The following DLGAP1 variants were observed in gnomAD, a reference collection of about 807,000 sequenced individuals.
The protein encoded by DLGAP1 is disks large-associated protein 1.
DLGAP1 carries 11 observed loss-of-function variants against 90.8 expected under a neutral mutation model. That is an observed-to-expected ratio of 0.12 (90% confidence interval 0.08 to 0.20). The LOEUF is 0.20. DLGAP1 is among the 10% of genes least tolerant of loss of function. The pLI, the probability that DLGAP1 is intolerant of heterozygous loss-of-function variation, is 1.00. For synonymous variants in DLGAP1, 558 were observed against 540.7 expected, an observed-to-expected ratio of 1.03 and a Z score of -0.44; for missense variants, 1,050 against 1,333.8, an observed-to-expected ratio of 0.79 and a Z score of 3.31.
chr18:3,971,444 T>C (rs759788728), intron 3 of DLGAP1, among the ~76,000 whole-genome samples: 1 of 151,574 alleles, frequency 6.6e-6, no homozygotes, highest in South Asian at 2.1e-4. Context: ...TGCTAACATA[T>C]ATATGACATA....
rs1036908548 is a variant in DLGAP1, at chr18:3,997,250, G to T, written c.-73+7866C>A. ...TAATTTACAAAAACTGAAATGAAAA[G>T]GAACTACTAAATCATTAGCAGGAGT... On this transcript the variant is annotated intron_variant, in intron 3 of 12. Coordinates refer to ENST00000315677, the MANE Select transcript of DLGAP1 (RefSeq NM_004746.4). Among the ~76,000 whole-genome samples the T allele has an allele frequency of 1.0e-4, 11 of 106,654 alleles. 3 individuals carry two copies. The highest frequency in any genetic ancestry group is 1.3e-4 in the Non-Finnish European group (7 of 52,648). 70.0% of individuals were successfully genotyped at this position (106,654 alleles called of 152,430 possible).
At chr18:3,763,506 A>G (rs1040137008) in intron 5 of DLGAP1, among the ~76,000 whole-genome samples, 7 of 152,152 alleles carry the variant, frequency 4.6e-5, no homozygotes, top group Non-Finnish European at 8.8e-5. Flanking sequence ...GTCTCTCTAG[A>G]GAACCCTGAC....
chr18:3,528,797 C>T (rs1038453858), intron 10 of DLGAP1, among the ~76,000 whole-genome samples: 4 of 152,188 alleles, frequency 2.6e-5, no homozygotes, highest in African/African-American at 7.2e-5. Context: ...GGGTTTGCCA[C>T]GGCACTGACT....
intron 7 of DLGAP1, among the ~76,000 whole-genome samples, chr18:3,632,800 G>A (rs1433025778): frequency 6.6e-6 from 1 of 151,990 alleles, no homozygotes; most frequent in African/African-American, 2.4e-5. Flanking sequence ...TATCATTCAT[G>A]GCTTGAAGTT....
At chr18:4,417,338 T>A (rs1490024474) in intron 1 of DLGAP1, among the ~76,000 whole-genome samples, 1 of 152,206 alleles carries the variant, frequency 6.6e-6, no homozygotes, top group African/African-American at 2.4e-5. Flanking sequence ...TGTTAATATA[T>A]AATGGGTTTA....
chr18:4,127,450 A>G, intron 2 of DLGAP1, among the ~76,000 whole-genome samples: 1 of 152,206 alleles, frequency 6.6e-6, no homozygotes, highest in East Asian at 1.9e-4. Context: ...AGAGAAGAGA[A>G]AAGAAAAGGA....
intron 4 of DLGAP1, chr18:3,845,523 A>AT: frequency 2.0e-6 from 2 of 985,252 alleles, no homozygotes; most frequent in Non-Finnish European, 2.4e-6. Flanking sequence ...CTTAGTGCAG[A>AT]TTTTTCAGCC....
chr18:4,417,882 G>A (rs1045766443), intron 1 of DLGAP1, among the ~76,000 whole-genome samples: 19 of 152,118 alleles, frequency 1.2e-4, no homozygotes, highest in Admixed American at 7.2e-4. Flanking sequence ...AGAACACTCC[G>A]CTGCTGCCAC....
At chr18:3,975,151 A>C (rs2073543240) in intron 3 of DLGAP1, among the ~76,000 whole-genome samples, 1 of 152,160 alleles carries the variant, frequency 6.6e-6, no homozygotes, top group Admixed American at 6.5e-5. Context: ...CTGTACACTC[A>C]AAGAAAGTAA....
At chr18:3,822,938 G>C (rs1276612864) in intron 4 of DLGAP1, among the ~76,000 whole-genome samples, 2 of 152,176 alleles carry the variant, frequency 1.3e-5, no homozygotes, top group Admixed American at 1.3e-4. Context: ...TTGAATCCAG[G>C]AGTTCAAGAC....
At chr18:3,913,209 G>A (rs2072072987) in intron 3 of DLGAP1, among the ~76,000 whole-genome samples, 1 of 152,238 alleles carries the variant, frequency 6.6e-6, no homozygotes, top group African/African-American at 2.4e-5. Context: ...TCCTGCCTCA[G>A]CCTCCTGAGT....
intron 7 of DLGAP1, among the ~76,000 whole-genome samples, chr18:3,635,187 G>A (rs949999759): frequency 1.3e-5 from 2 of 150,002 alleles, no homozygotes; most frequent in African/African-American, 2.5e-5. Context: ...CTGGAGTGCA[G>A]TGGCGGGATC....
At position 4,352,859 on chromosome 18, in the gene DLGAP1, T is replaced by C. The variant is rs150112371; in HGVS notation, c.-267+102147A>G. On this transcript the variant is annotated intron_variant, in intron 1 of 12. Transcript: ENST00000315677. ...TGTATGTGAATCCCCGTTACTTTTG[T>C]AAATGTGGGAGGAGGAACTGCTTGT... Among the ~76,000 whole-genome samples, 5 of 152,284 alleles carry C rather than the reference T, an allele frequency of 3.3e-5. No individual in the cohort carries two copies. The East Asian group carries it at 7.7e-4, about 24-fold the overall frequency.
intron 1 of DLGAP1, among the ~76,000 whole-genome samples, chr18:4,337,734 A>C (rs1454026445): frequency 6.6e-6 from 1 of 152,212 alleles, no homozygotes; most frequent in Admixed American, 6.5e-5. Context: ...TTTTCTCATA[A>C]ACATCACTGA....
At chr18:4,398,066 A>G (rs2082475982) in intron 1 of DLGAP1, among the ~76,000 whole-genome samples, 1 of 152,200 alleles carries the variant, frequency 6.6e-6, no homozygotes, top group African/African-American at 2.4e-5. Context: ...TGTTTCTGCC[A>G]TTAATTTTTT....
At chr18:4,411,247 C>T (rs2082770792) in intron 1 of DLGAP1, among the ~76,000 whole-genome samples, 1 of 152,142 alleles carries the variant, frequency 6.6e-6, no homozygotes, top group African/African-American at 2.4e-5. Flanking sequence ...AGGAATAGTC[C>T]AAACATCACC....
chr18:4,023,176 G>A (rs544163657), intron 2 of DLGAP1, among the ~76,000 whole-genome samples: 1 of 152,226 alleles, frequency 6.6e-6, no homozygotes, highest in East Asian at 1.9e-4. Flanking sequence ...AAGAGTTTGG[G>A]CATCTTTTAA....
intron 4 of DLGAP1, among the ~76,000 whole-genome samples, chr18:3,835,710 C>T (rs1027110470): frequency 6.6e-6 from 1 of 150,874 alleles, no homozygotes; most frequent in African/African-American, 2.4e-5. Context: ...TCTTCTGTAA[C>T]CAGTCACAAT....
intron 3 of DLGAP1, among the ~76,000 whole-genome samples, chr18:3,926,417 TATATAC>T (rs57618431): frequency 0.032 from 3,895 of 121,500 alleles, 172 homozygotes; most frequent in African/African-American, 0.1. Context: ...TATATATATA[TATATAC>T]ACACACACAC....
Sources: gnomAD v4.1 joint callset for allele counts (sites outside exome capture counted in the v4.1 genomes callset) on GRCh38, gnomAD v4.1.1 for gene constraint, MANE v1.5 for transcripts, NCBI Gene and HGNC (gene_info 2026-07-23, HGNC 2026-07-21) for gene names.